ZNF676: variants seen among roughly 807,000 people sequenced by gnomAD.
ZNF676 encodes the protein zinc finger protein 676.
In ZNF676, 4 loss-of-function variants were observed where a neutral mutation model predicts 6.0. The observed-to-expected ratio is 0.67, with a 90% CI of 0.33 to 1.53. The LOEUF (loss-of-function observed/expected upper bound fraction) is 1.53. ZNF676 is among the 40% of genes most tolerant of loss of function. The pLI is 0.06. For missense variants in ZNF676, 644 were observed against 679.7 expected (o/e 0.95, Z 0.58); for synonymous variants, 198 against 223.1 (o/e 0.89, Z 1.00).
chr19:22,205,408 A>G (rs1444017307), intron 1 of ZNF676, among the ~76,000 whole-genome samples: 1 of 152,170 alleles, frequency 6.6e-6, no homozygotes, highest in African/African-American at 2.4e-5. Flanking sequence ...ACAATCAGAA[A>G]AAAAACAATT....
the ZNF676 span, among the ~76,000 whole-genome samples, chr19:22,241,288 T>C: frequency 1.3e-5 from 2 of 151,918 alleles, no homozygotes; most frequent in Admixed American, 6.6e-5. Flanking sequence ...TCAACACCTT[T>C]TGTAGGTTTG....
upstream of ZNF676, among the ~76,000 whole-genome samples, chr19:22,219,083 C>T (rs2024223614): frequency 6.0e-5 from 8 of 133,150 alleles, no homozygotes; most frequent in South Asian, 9.5e-4. Context: ...TGTATCAGAT[C>T]GAAAAGTTTT....
chr19:22,253,466 G>GTA, the ZNF676 span, among the ~76,000 whole-genome samples: 13 of 128,566 alleles, frequency 1.0e-4, no homozygotes, highest in African/African-American at 3.7e-4. Flanking sequence ...GATAATGTGT[G>GTA]TATATATATG....
chr19:22,231,709 T>C, the ZNF676 span, among the ~76,000 whole-genome samples: 1 of 151,378 alleles, frequency 6.6e-6, no homozygotes, highest in Non-Finnish European at 1.5e-5. Context: ...TCCAAGTGAT[T>C]CTCCTGCCTC....
chr19:22,239,968 C>T, the ZNF676 span, among the ~76,000 whole-genome samples: 1 of 152,194 alleles, frequency 6.6e-6, no homozygotes, highest in Non-Finnish European at 1.5e-5. Context: ...ACATAGGTCA[C>T]AATTCATGTT....
rs563728956 is a variant in ZNF676 at position 22,188,032 on chromosome 19, T to C, written c.130+4984A>G. Reference sequence around the variant, plus strand: ...TTTTATGAGGCCAGCATCATCCTGATACCAAAGCCTGGCAGAGACACAACA... The same window carrying C: ...TTTTATGAGGCCAGCATCATCCTGACACCAAAGCCTGGCAGAGACACAACA... On this transcript the variant is annotated intron_variant, in intron 2 of 2. Coordinates refer to ENST00000397121, the MANE Select transcript of ZNF676 (RefSeq NM_001001411.3). Among the ~76,000 whole-genome samples, 3 of 152,208 alleles carry C rather than the reference T, an allele frequency of 2.0e-5. No homozygotes were observed. The East Asian group carries it at 5.8e-4, about 30-fold the overall frequency.
At chr19:22,228,997 C>A in the ZNF676 span, among the ~76,000 whole-genome samples, 5 of 152,144 alleles carry the variant, frequency 3.3e-5, no homozygotes, top group Non-Finnish European at 1.5e-5. Flanking sequence ...TTGGAAAAAA[C>A]TACTTTAAAT....
the ZNF676 span, among the ~76,000 whole-genome samples, chr19:22,221,749 A>C: frequency 1.3e-4 from 2 of 15,584 alleles, no homozygotes; most frequent in African/African-American, 4.9e-4. Flanking sequence ...AGACTGTCAC[A>C]AAAAAAAAAA....
At chr19:22,209,976 G>A (rs1367428259) in intron 1 of ZNF676, among the ~76,000 whole-genome samples, 2 of 152,154 alleles carry the variant, frequency 1.3e-5, no homozygotes, top group Non-Finnish European at 1.5e-5. Flanking sequence ...TCAATGTCTA[G>A]TGGGTGTTTG....
the ZNF676 span, among the ~76,000 whole-genome samples, chr19:22,221,432 T>TA: frequency 6.6e-6 from 1 of 152,132 alleles, no homozygotes; most frequent in Non-Finnish European, 1.5e-5. Context: ...CCTAAGACAG[T>TA]ACTTGATATA....
At chr19:22,226,644 A>G in the ZNF676 span, among the ~76,000 whole-genome samples, 3 of 150,258 alleles carry the variant, frequency 2.0e-5, no homozygotes, top group Admixed American at 6.7e-5. Context: ...TCATCCAGGC[A>G]GGAGTGCAGT....
chr19:22,245,943 G>T, the ZNF676 span, among the ~76,000 whole-genome samples: 32 of 152,254 alleles, frequency 2.1e-4, no homozygotes, highest in Non-Finnish European at 4.6e-4. Flanking sequence ...GTTCATGGAT[G>T]CAGAGATAAG....
the ZNF676 span, among the ~76,000 whole-genome samples, chr19:22,221,756 A>G: frequency 2.6e-5 from 4 of 152,144 alleles, no homozygotes; most frequent in African/African-American, 7.2e-5. Flanking sequence ...CACAAAAAAA[A>G]AAAACATCAG....
the ZNF676 span, among the ~76,000 whole-genome samples, chr19:22,255,915 A>T: frequency 0.034 from 5,233 of 152,160 alleles, 290 homozygotes; most frequent in African/African-American, 0.12. Context: ...ACGGTCACAT[A>T]TGACAGTCAC....
At chr19:22,183,359 C>T (rs2023788319) in intron 2 of ZNF676, among the ~76,000 whole-genome samples, 1 of 152,004 alleles carries the variant, frequency 6.6e-6, no homozygotes, top group African/African-American at 2.4e-5. Flanking sequence ...TCTTTTGAGA[C>T]AAAGTTTTAC....
intron 2 of ZNF676, 108 bp from the exon 3 acceptor site, chr19:22,181,694 T>C (rs1277211080): frequency 2.4e-6 from 2 of 825,156 alleles, no homozygotes; most frequent in South Asian, 2.3e-5. Flanking sequence ...AAGACGACAT[T>C]GCAATATGAC....
chr19:22,229,964 G>A, the ZNF676 span, among the ~76,000 whole-genome samples: 6 of 152,192 alleles, frequency 3.9e-5, no homozygotes, highest in Non-Finnish European at 4.4e-5. Context: ...TCTAGAATCA[G>A]AAATACCATT....
the ZNF676 span, among the ~76,000 whole-genome samples, chr19:22,247,277 G>A: frequency 6.6e-6 from 1 of 151,962 alleles, no homozygotes; most frequent in African/African-American, 2.4e-5. Flanking sequence ...AAGATTTAAG[G>A]GGTTGGCCAG....
chr19:22,202,234 T>C (rs2024033533), intron 1 of ZNF676, among the ~76,000 whole-genome samples: 1 of 151,260 alleles, frequency 6.6e-6, no homozygotes, highest in African/African-American at 2.4e-5. Flanking sequence ...TGGGTTTCTG[T>C]GCCCCATGGT....
Sources: allele counts gnomAD v4.1 joint callset (sites outside exome capture counted in the v4.1 genomes callset), GRCh38; gene constraint gnomAD v4.1.1; transcripts MANE v1.5; gene names NCBI Gene and HGNC (gene_info 2026-07-23, HGNC 2026-07-21).